The following GALNTL6 variants were observed in gnomAD, a reference collection of about 807,000 sequenced individuals.
GALNTL6 encodes polypeptide N-acetylgalactosaminyltransferase like 6.
Under a neutral mutation model 73.7 loss-of-function variants are expected in GALNTL6, and 46 were observed. The ratio of observed to expected loss-of-function variants is 0.62; its 90% CI spans 0.49 to 0.80. GALNTL6 has a LOEUF of 0.80. GALNTL6 is among the 30% of genes least tolerant of loss of function. GALNTL6 has a pLI of 0.00. For synonymous variants in GALNTL6, 259 were observed against 263.7 expected (o/e 0.98, Z 0.17); for missense variants, 604 against 755.0 (o/e 0.80, Z 2.34).
intron 2 of GALNTL6, among the ~76,000 whole-genome samples, chr4:171,837,399 C>A (rs576773117): frequency 6.6e-6 from 1 of 151,568 alleles, no homozygotes; most frequent in Non-Finnish European, 1.5e-5. Flanking sequence ...ATTGGTGAAA[C>A]GTGGTGGGAT....
intron 5 of GALNTL6, among the ~76,000 whole-genome samples, chr4:172,495,416 T>C (rs1734039468): frequency 6.6e-6 from 1 of 152,198 alleles, no homozygotes; most frequent in Non-Finnish European, 1.5e-5. Context: ...TACTATTAGC[T>C]GGTTAACACT....
intron 2 of GALNTL6, among the ~76,000 whole-genome samples, chr4:171,838,894 T>G (rs1735170394): frequency 2.6e-5 from 4 of 152,174 alleles, no homozygotes; most frequent in Admixed American, 2.6e-4. Context: ...TAAGCTGCTG[T>G]GCAGGGCTGG....
At chr4:171,911,650 G>C (rs1737480255) in intron 2 of GALNTL6, among the ~76,000 whole-genome samples, 1 of 152,124 alleles carries the variant, frequency 6.6e-6, no homozygotes, top group Non-Finnish European at 1.5e-5. Context: ...AGGGAAAGAG[G>C]ATAAGGAAAG....
chr4:172,185,415 T>C (rs1429363804), intron 2 of GALNTL6, among the ~76,000 whole-genome samples: 1 of 152,218 alleles, frequency 6.6e-6, no homozygotes, highest in Non-Finnish European at 1.5e-5. Context: ...CAACTCTCAA[T>C]CTTGGTAGCA....
chr4:171,929,349 G>C (rs1421853606), intron 2 of GALNTL6, among the ~76,000 whole-genome samples: 1 of 152,154 alleles, frequency 6.6e-6, no homozygotes, highest in Non-Finnish European at 1.5e-5. Flanking sequence ...TGGGATTTTA[G>C]ACGTGAGCCT....
intron 10 of GALNTL6, among the ~76,000 whole-genome samples, chr4:172,974,982 A>T (rs1369224850): frequency 6.6e-6 from 1 of 152,178 alleles, no homozygotes; most frequent in Non-Finnish European, 1.5e-5. Flanking sequence ...TGGCTTGGGG[A>T]GCTCCTATGT....
chr4:172,779,404 TGCTTATCG>T (rs1452915271), intron 5 of GALNTL6, among the ~76,000 whole-genome samples: 1 of 152,116 alleles, frequency 6.6e-6, no homozygotes, highest in African/African-American at 2.4e-5. Flanking sequence ...CCAGTCAGCG[TGCTTATCG>T]GCAGGGAGGG....
intron 2 of GALNTL6, among the ~76,000 whole-genome samples, chr4:172,049,880 AGGCTGAGGT>A (rs1423559656): frequency 6.6e-6 from 1 of 152,094 alleles, no homozygotes; most frequent in Non-Finnish European, 1.5e-5. Flanking sequence ...GCTACTCAGG[AGGCTGAGGT>A]AGGAGAATTG....
chr4:172,352,689 T>C (rs1043588923), intron 5 of GALNTL6, among the ~76,000 whole-genome samples: 4 of 152,080 alleles, frequency 2.6e-5, no homozygotes, highest in African/African-American at 9.7e-5. Flanking sequence ...AAATTGAGGA[T>C]AGTCGCAGGA....
At chr4:171,984,470 G>T (rs1019315852) in intron 2 of GALNTL6, among the ~76,000 whole-genome samples, 5 of 152,062 alleles carry the variant, frequency 3.3e-5, no homozygotes, top group Non-Finnish European at 7.4e-5. Context: ...GGTCAGAAAG[G>T]GTTGTAGAGG....
Position 172,650,336 on chromosome 4 carries a change from T to C in GALNTL6, c.554-159025T>C, listed in dbSNP as rs1740419564. On this transcript the variant is annotated intron_variant, in intron 5 of 12. Coordinates refer to ENST00000506823, the MANE Select transcript of GALNTL6 (RefSeq NM_001034845.3). ...AGAAATAGCAACCAAAGTGAATTCA[T>C]ATATAAATAAATAGATAAAAGTCGC... 2.0e-5 allele frequency among the ~76,000 whole-genome samples: 3 copies of C among 152,112 alleles called. No homozygotes were observed. In the South Asian group the frequency reaches 6.2e-4, roughly 32 times the overall value.
chr4:172,363,017 T>C (rs1742424738), intron 5 of GALNTL6, among the ~76,000 whole-genome samples: 1 of 152,166 alleles, frequency 6.6e-6, no homozygotes, highest in South Asian at 2.1e-4. Context: ...TTTATAACAA[T>C]CAAAACTGGC....
chr4:172,101,118 ACTC>A (rs1424101954), intron 2 of GALNTL6, among the ~76,000 whole-genome samples: 1 of 151,716 alleles, frequency 6.6e-6, no homozygotes, highest in African/African-American at 2.4e-5. Flanking sequence ...GGGCTTATGA[ACTC>A]CTCAGACTGG....
At chr4:172,302,639 A>G (rs1264472312) in intron 3 of GALNTL6, among the ~76,000 whole-genome samples, 2 of 152,226 alleles carry the variant, frequency 1.3e-5, no homozygotes, top group Admixed American at 6.5e-5. Context: ...GCAAGAAAAT[A>G]AAAATAAGTT....
At chr4:172,763,914 C>A (rs1171175400) in intron 5 of GALNTL6, among the ~76,000 whole-genome samples, 1 of 150,024 alleles carries the variant, frequency 6.7e-6, no homozygotes, top group Non-Finnish European at 1.5e-5. Flanking sequence ...GAAGAACATT[C>A]AATATTACTA....
At chr4:172,461,372 A>G (rs1233479404) in intron 5 of GALNTL6, among the ~76,000 whole-genome samples, 1 of 152,210 alleles carries the variant, frequency 6.6e-6, no homozygotes, top group Non-Finnish European at 1.5e-5. Context: ...AAGAAATAAA[A>G]GATTTTTTTT....
At chr4:172,146,641 A>G (rs1256333167) in intron 2 of GALNTL6, among the ~76,000 whole-genome samples, 3 of 152,286 alleles carry the variant, frequency 2.0e-5, no homozygotes, top group Non-Finnish European at 4.4e-5. Context: ...AGTATCTCCT[A>G]TTAAAATCTA....
intron 5 of GALNTL6, among the ~76,000 whole-genome samples, chr4:172,609,938 C>A (rs752501315): frequency 4.6e-5 from 7 of 151,510 alleles, no homozygotes; most frequent in Admixed American, 6.6e-5. Flanking sequence ...TGAATGTGTC[C>A]AGGAATTTAT....
At chr4:172,405,693 G>A (rs1009579486) in intron 5 of GALNTL6, among the ~76,000 whole-genome samples, 3 of 151,552 alleles carry the variant, frequency 2.0e-5, no homozygotes, top group African/African-American at 2.4e-5. Flanking sequence ...TCTTAAGACG[G>A]CCCTTATGCC....
Sources: allele counts gnomAD v4.1 joint callset (sites outside exome capture counted in the v4.1 genomes callset), GRCh38; gene constraint gnomAD v4.1.1; transcripts MANE v1.5; gene names NCBI Gene and HGNC (gene_info 2026-07-23, HGNC 2026-07-21).